MYOCD: variants seen among roughly 807,000 people sequenced by gnomAD.
MYOCD encodes myocardin.
In MYOCD, 32 loss-of-function variants were observed where a neutral mutation model predicts 96.1. That is an observed-to-expected ratio of 0.33 (90% CI 0.25 to 0.45). MYOCD has a LOEUF of 0.45. Among genes scored for constraint, MYOCD ranks in the 20% least tolerant of loss-of-function variants. The probability of loss-of-function intolerance (pLI) is 1.00; values close to 1 mark genes in which losing one functional copy is unlikely to be tolerated. For missense variants in MYOCD, 1,133 were observed against 1,200.6 expected (o/e 0.94, Z 0.83); for synonymous variants, 469 against 469.0 (o/e 1.00, Z 0.00).
chr17:12,722,358 A>T (rs1320741628), intron 4 of MYOCD, among the ~76,000 whole-genome samples: 1 of 152,058 alleles, frequency 6.6e-6, no homozygotes, highest in Non-Finnish European at 1.5e-5. Flanking sequence ...TTTCAATGGA[A>T]TTTTTTTTCT....
chr17:12,731,315 T>C (rs529192342), intron 5 of MYOCD, among the ~76,000 whole-genome samples: 1 of 152,268 alleles, frequency 6.6e-6, no homozygotes, highest in African/African-American at 2.4e-5. Context: ...TGCCAGCCTT[T>C]CCACCCACAC....
intron 1 of MYOCD, among the ~76,000 whole-genome samples, chr17:12,703,776 T>C (rs1325427147): frequency 6.6e-6 from 1 of 152,088 alleles, no homozygotes; most frequent in Non-Finnish European, 1.5e-5. Flanking sequence ...TTTTTCTCTC[T>C]CTTCTTCAGT....
At chr17:12,744,952 G>A (rs1337166689) in intron 8 of MYOCD, among the ~76,000 whole-genome samples, 4 of 152,220 alleles carry the variant, frequency 2.6e-5, no homozygotes, top group Admixed American at 1.3e-4. Context: ...CTGCCAATAG[G>A]TGGAGGGACT....
At chr17:12,728,572 C>T (rs146679759) in intron 5 of MYOCD, among the ~76,000 whole-genome samples, 5 of 152,234 alleles carry the variant, frequency 3.3e-5, no homozygotes, top group South Asian at 2.1e-4. Flanking sequence ...CTCTGTCTCC[C>T]GGGTTCAAGT....
In MYOCD at chr17:12,715,579, T is replaced by G; in HGVS notation, c.177+5T>G. 2 of 1,612,784 alleles carry G rather than the reference T, an allele frequency of 1.2e-6. No individual in the cohort carries two copies. Among genetic ancestry groups the G allele is most frequent in the Non-Finnish European group, 1.7e-6 (2 of 1,179,154 alleles). The stretch of plus-strand genomic sequence containing the variant: ...AAACATTTGGATAGTGACAAGGTAA[T>G]TTTTGCAAATTTCTTGACCCAAGCT... On this transcript the variant is annotated splice_donor_5th_base_variant and intron_variant, in intron 3 of 13. Transcript: ENST00000425538.
At chr17:12,729,438 A>G (rs895410822) in intron 5 of MYOCD, among the ~76,000 whole-genome samples, 1 of 152,078 alleles carries the variant, frequency 6.6e-6, no homozygotes, top group African/African-American at 2.4e-5. Flanking sequence ...AAGCCATCTC[A>G]GGCATCATTG....
At position 12,765,201 on chromosome 17, in the gene MYOCD, G is replaced by A. The variant is rs2033304537; in HGVS notation, c.*1557G>A. 1 of 152,076 alleles carries A rather than the reference G, an allele frequency of 6.6e-6. No homozygotes were observed. Among genetic ancestry groups the A allele is most frequent in the African/African-American group, 2.4e-5 (1 of 41,418 alleles). The allele number at this position is 152,076 out of a possible 1,614,324, so 9.4% of individuals were successfully genotyped here. A position where few individuals can be genotyped will look rare whatever the true frequency, so the allele number is the denominator to read the frequency against. On this transcript the variant is annotated 3_prime_UTR_variant, in exon 14 of 14. Transcript: ENST00000425538. Reference sequence around the variant, plus strand: ...TAAAATTTCAGAACAGTCTCTGTAAGGCTCTCTGTGGCTCCAGTTCACCAT... The same window carrying A: ...TAAAATTTCAGAACAGTCTCTGTAAAGCTCTCTGTGGCTCCAGTTCACCAT...
chr17:12,710,400 T>A, intron 2 of MYOCD: 1 of 561,854 alleles, frequency 1.8e-6, no homozygotes, highest in Non-Finnish European at 2.3e-6. Flanking sequence ...GAATGAAATG[T>A]CTGGGCAGCT....
chr17:12,676,207 A>ACAATTTTAGACTTAGCACCCT, intron 1 of MYOCD, among the ~76,000 whole-genome samples: 1 of 151,600 alleles, frequency 6.6e-6, no homozygotes, highest in Middle Eastern at 3.4e-3. Context: ...GATATAGAAT[A>ACAATTTTAGACTTAGCACCCT]CAATTTTAGA....
chr17:12,760,986 T>C, intron 13 of MYOCD: 1 of 328,420 alleles, frequency 3.0e-6, no homozygotes, highest in Non-Finnish European at 5.6e-6. Context: ...AAGTGTTTTC[T>C]CTTGCTGCAC....
intron 10 of MYOCD, among the ~76,000 whole-genome samples, chr17:12,754,501 A>G (rs2150722074): frequency 6.6e-6 from 1 of 152,352 alleles, no homozygotes; most frequent in African/African-American, 2.4e-5. Flanking sequence ...AAGGCATTGA[A>G]GGCAAACGAG....
chr17:12,763,723 C>A lies in MYOCD; in HGVS notation c.*79C>A. 1 of 1,201,176 alleles carries A rather than the reference C, an allele frequency of 8.3e-7. No individual in the cohort carries two copies. The highest frequency in any genetic ancestry group is 1.2e-6 in the Non-Finnish European group (1 of 863,842). The allele number at this position is 1,201,176 out of a possible 1,614,324, so 74.4% of individuals were successfully genotyped here. A position where few individuals can be genotyped will look rare whatever the true frequency, so the allele number is the denominator to read the frequency against. ...CACACAGCCATACATACTTTACTGT[C>A]CAAAAACAGAAGAAGAAGAAGAGAA... On this transcript the variant is annotated 3_prime_UTR_variant, in exon 14 of 14. Coordinates refer to ENST00000425538, the MANE Select transcript of MYOCD (RefSeq NM_001146312.3).
rs141146762 is a variant in MYOCD at position 12,684,607 on chromosome 17, G to A, written c.55+18364G>A. On this transcript the variant is annotated intron_variant, in intron 1 of 13. Coordinates refer to ENST00000425538, the MANE Select transcript of MYOCD (RefSeq NM_001146312.3). ...CATGCCTGTAATCCCAGCACTTTGG[G>A]AGGCCAAGGTGGGTGGATCACAAGG... Among the ~76,000 whole-genome samples the A allele has an allele frequency of 3.0e-3, 448 of 150,760 alleles. 1 individual carries two copies. The highest frequency in any genetic ancestry group is 0.01 in the African/African-American group (417 of 41,014).
chr17:12,723,101 G>A, intron 5 of MYOCD, 93 bp downstream of exon 5: 5 of 1,234,106 alleles, frequency 4.1e-6, no homozygotes, highest in Non-Finnish European at 3.4e-6. Context: ...GGGGATGAGG[G>A]CCTCTCACCA....
intron 5 of MYOCD, among the ~76,000 whole-genome samples, chr17:12,731,160 C>T (rs1057270969): frequency 6.6e-6 from 1 of 152,216 alleles, no homozygotes; most frequent in Non-Finnish European, 1.5e-5. Context: ...TCCCAGCCAG[C>T]CTCATGCTGG....
At chr17:12,686,168 C>T (rs552642831) in intron 1 of MYOCD, among the ~76,000 whole-genome samples, 26 of 152,284 alleles carry the variant, frequency 1.7e-4, no homozygotes, top group African/African-American at 6.0e-4. Flanking sequence ...AATCTCAGAG[C>T]CCTGAATTTG....
intron 1 of MYOCD, among the ~76,000 whole-genome samples, chr17:12,703,405 T>G (rs772780820): frequency 2.6e-5 from 4 of 151,992 alleles, no homozygotes; most frequent in Non-Finnish European, 5.9e-5. Flanking sequence ...CTTCAGGAAG[T>G]TTTTGTGATT....
At position 12,682,434 on chromosome 17, in the gene MYOCD, T is replaced by G. The variant is rs375068625; in HGVS notation, c.55+16191T>G. On this transcript the variant is annotated intron_variant, in intron 1 of 13. Coordinates refer to ENST00000425538, the MANE Select transcript of MYOCD (RefSeq NM_001146312.3). ...AGCCAATAGCTTTCCCAAAGACCTATGCCTGGTAGTGTCCTTGAAGGCAAT... is the reference window on the plus strand; with the variant it reads ...AGCCAATAGCTTTCCCAAAGACCTAGGCCTGGTAGTGTCCTTGAAGGCAAT... Among the ~76,000 whole-genome samples, 11 of 152,354 alleles carry G rather than the reference T, an allele frequency of 7.2e-5. No individual in the cohort carries two copies. The South Asian group carries it at 2.3e-3, about 32-fold the overall frequency.
intron 1 of MYOCD, among the ~76,000 whole-genome samples, chr17:12,680,966 A>G (rs1910427101): frequency 1.3e-5 from 2 of 152,070 alleles, no homozygotes; most frequent in African/African-American, 4.8e-5. Flanking sequence ...TGCGTGTGCT[A>G]ACTAATTTAA....
Sources: gnomAD v4.1 joint callset for allele counts (sites outside exome capture counted in the v4.1 genomes callset) on GRCh38, gnomAD v4.1.1 for gene constraint, MANE v1.5 for transcripts, NCBI Gene and HGNC (gene_info 2026-07-23, HGNC 2026-07-21) for gene names.